The following CDH4 variants were observed in gnomAD, a reference collection of about 807,000 sequenced individuals.
CDH4 encodes cadherin 4, also known as cadherin-4.
A neutral mutation model predicts 86.0 loss-of-function variants in CDH4; 33 were observed. The ratio of observed to expected loss-of-function variants is 0.38; its 90% CI spans 0.29 to 0.51. CDH4 has a LOEUF of 0.51. Among genes scored for constraint, CDH4 ranks in the 20% least tolerant of loss-of-function variants. The probability of loss-of-function intolerance (pLI) is 0.86; values close to 1 mark genes in which losing one functional copy is unlikely to be tolerated. For missense variants in CDH4, 1,114 were observed against 1,307.4 expected (o/e 0.85, Z 2.28); for synonymous variants, 555 against 549.4 (o/e 1.01, Z -0.14).
At chr20:61,395,444 C>T (rs536337381) in intron 2 of CDH4, among the ~76,000 whole-genome samples, 1 of 152,028 alleles carries the variant, frequency 6.6e-6, no homozygotes, top group Non-Finnish European at 1.5e-5. Flanking sequence ...TTATTAATAA[C>T]GTATATGATA....
rs953580292 is a variant in CDH4 at position 61,663,700 on chromosome 20, G to T, written c.170-79863G>T. On this transcript the variant is annotated intron_variant, in intron 2 of 15. Transcript: ENST00000614565. The surrounding 1 kb of genome is among the most constrained non-coding windows in gnomAD (Gnocchi z 5.0). ...TGCTGTCTTCCCGGCGGGAGCTGGC[G>T]GTACTGAGGAAGGACGTGCAGAACC... Among the ~76,000 whole-genome samples the T allele has an allele frequency of 2.0e-5, 3 of 151,922 alleles. No homozygotes were observed. In the East Asian group the frequency reaches 5.8e-4, roughly 29 times the overall value.
At chr20:61,785,715 A>T (rs539868280) in intron 4 of CDH4, among the ~76,000 whole-genome samples, 2 of 152,276 alleles carry the variant, frequency 1.3e-5, no homozygotes, top group East Asian at 3.9e-4. Context: ...GCCCAGGTGG[A>T]CAGGGCCCTC....
chr20:61,689,204 G>A lies in CDH4; in HGVS notation c.170-54359G>A, dbSNP rs183569009. On this transcript the variant is annotated intron_variant, in intron 2 of 15. Transcript: ENST00000614565. ...GTGGAATCAGGCTGGGACAGTGGTT[G>A]GTGAGGTGATGTGGAATCGGGCTGG... Among the ~76,000 whole-genome samples, 7 of 151,536 alleles carry A rather than the reference G, an allele frequency of 4.6e-5. 1 individual carries two copies. In the South Asian group the frequency reaches 1.5e-3, roughly 32 times the overall value.
chr20:61,869,225 G>A lies in CDH4; in HGVS notation c.878-4503G>A, dbSNP rs1019784563. Among the ~76,000 whole-genome samples, 13 of 152,170 alleles carry A rather than the reference G, an allele frequency of 8.5e-5. 1 individual carries two copies. The highest frequency in any genetic ancestry group is 8.5e-4 in the Admixed American group (13 of 15,282). ...TTCCCCTGTATTTTTAAAAACCAAT[G>A]TTGTCCCTGAAATCCAAAAAAAGAG... On this transcript the variant is annotated intron_variant, in intron 6 of 15. Coordinates refer to ENST00000614565, the MANE Select transcript of CDH4 (RefSeq NM_001794.5).
chr20:61,918,714 G>A (rs1299889319), intron 9 of CDH4, among the ~76,000 whole-genome samples: 2 of 152,252 alleles, frequency 1.3e-5, no homozygotes, highest in East Asian at 1.9e-4. Flanking sequence ...GTATTGCAGT[G>A]ACTGCGTGTC....
At chr20:61,728,243 C>T (rs767583325) in intron 2 of CDH4, among the ~76,000 whole-genome samples, 4 of 152,154 alleles carry the variant, frequency 2.6e-5, no homozygotes, top group Non-Finnish European at 5.9e-5. Flanking sequence ...AGCATAACCA[C>T]CTGTTTATGA....
At chr20:61,627,613 G>A (rs546078274) in intron 2 of CDH4, among the ~76,000 whole-genome samples, 5 of 152,140 alleles carry the variant, frequency 3.3e-5, no homozygotes, top group South Asian at 2.1e-4. Context: ...ATGGGGAAGC[G>A]GACGGGCAGA....
intron 2 of CDH4, among the ~76,000 whole-genome samples, chr20:61,630,757 C>G (rs1014760691): frequency 2.0e-5 from 3 of 152,200 alleles, no homozygotes; most frequent in Non-Finnish European, 2.9e-5. Context: ...CCCTGATACC[C>G]ATTTGAAACT....
rs1169992427 is a variant in CDH4 at position 61,879,489 on chromosome 20, G to C, written c.1050+5589G>C. Among the ~76,000 whole-genome samples the C allele has an allele frequency of 6.6e-6, 1 of 152,222 alleles. No individual in the cohort carries two copies. Among genetic ancestry groups the C allele is most frequent in the Non-Finnish European group, 1.5e-5 (1 of 68,052 alleles). ...CATCTGACAGAGTGAGTCATCTTTA[G>C]GAAGAAGAAAATCCACAAACATCAT... On this transcript the variant is annotated intron_variant, in intron 7 of 15. Coordinates refer to ENST00000614565, the MANE Select transcript of CDH4 (RefSeq NM_001794.5). The surrounding 1 kb of genome is among the most constrained non-coding windows in gnomAD (Gnocchi z 4.1).
chr20:61,900,819 G>A (rs1202583685), intron 8 of CDH4, among the ~76,000 whole-genome samples: 1 of 152,254 alleles, frequency 6.6e-6, no homozygotes, highest in African/African-American at 2.4e-5. Context: ...CCTTGGGCAA[G>A]TTGCCTCCCT....
intron 2 of CDH4, among the ~76,000 whole-genome samples, chr20:61,653,542 C>G (rs1418804130): frequency 7.4e-6 from 1 of 134,754 alleles, no homozygotes; most frequent in African/African-American, 2.7e-5. Context: ...ACCTCCCGGA[C>G]GGGGTGGCTG....
At chr20:61,376,346 A>C (rs1037837953) in intron 2 of CDH4, among the ~76,000 whole-genome samples, 3 of 152,128 alleles carry the variant, frequency 2.0e-5, no homozygotes, top group Admixed American at 1.3e-4. Flanking sequence ...TTGTTGGGAA[A>C]GATCCCAGGG....
chr20:61,755,621 C>T (rs2088555325), intron 3 of CDH4, among the ~76,000 whole-genome samples: 1 of 150,412 alleles, frequency 6.6e-6, no homozygotes, highest in Non-Finnish European at 1.5e-5. Context: ...CACACACCCA[C>T]ACACATGCCC....
intron 8 of CDH4, among the ~76,000 whole-genome samples, chr20:61,903,170 T>C (rs1568877794): frequency 2.0e-5 from 3 of 152,338 alleles, no homozygotes; most frequent in East Asian, 3.9e-4. Context: ...CACTGGGCAC[T>C]CCCTATGCCA....
At chr20:61,525,673 C>T (rs1347098546) in intron 2 of CDH4, among the ~76,000 whole-genome samples, 2 of 152,184 alleles carry the variant, frequency 1.3e-5, no homozygotes. Flanking sequence ...TTTCTCCTTA[C>T]TTACTGTTAT....
chr20:61,867,625 T>C (rs1165649359), intron 6 of CDH4, among the ~76,000 whole-genome samples: 1 of 150,850 alleles, frequency 6.6e-6, no homozygotes, highest in Non-Finnish European at 1.5e-5. Flanking sequence ...TGGGTGCTCA[T>C]CACATTTTCC....
At chr20:61,534,812 G>A (rs565458937) in intron 2 of CDH4, among the ~76,000 whole-genome samples, 3 of 122,772 alleles carry the variant, frequency 2.4e-5, no homozygotes, top group East Asian at 3.7e-4. Flanking sequence ...TCAACCCGAC[G>A]GCCTCCCTTG....
At chr20:61,580,616 A>G (rs999759256) in intron 2 of CDH4, among the ~76,000 whole-genome samples, 1 of 146,722 alleles carries the variant, frequency 6.8e-6, no homozygotes, top group Admixed American at 7.0e-5. Flanking sequence ...AAGGCAGCCC[A>G]TTGGTTTTTC....
intron 6 of CDH4, among the ~76,000 whole-genome samples, chr20:61,855,066 A>T (rs1600714267): frequency 7.3e-6 from 1 of 137,626 alleles, no homozygotes; most frequent in Non-Finnish European, 1.6e-5. Context: ...GCCCACCCCC[A>T]GGGCTGCAGT....
Sources: allele counts gnomAD v4.1 joint callset (sites outside exome capture counted in the v4.1 genomes callset), GRCh38; gene constraint gnomAD v4.1.1; non-coding constraint Gnocchi (gnomAD v3.1); transcripts MANE v1.5; gene names NCBI Gene and HGNC (gene_info 2026-07-23, HGNC 2026-07-21).